Variants in TDRP observed in about 807,000 individuals in gnomAD.
TDRP encodes testis development-related protein.
In TDRP, 12 loss-of-function variants were observed where a neutral mutation model predicts 10.5. The ratio of observed to expected loss-of-function variants is 1.15; its 90% CI spans 0.73 to 1.86. TDRP has a LOEUF of 1.86. Among genes scored for constraint, TDRP ranks in the 40% most tolerant of loss-of-function variants. The pLI is 0.00. For synonymous variants in TDRP, 139 were observed against 95.4 expected (o/e 1.46, Z -2.67); for missense variants, 353 against 229.2 (o/e 1.54, Z -3.49).
intron 1 of TDRP, among the ~76,000 whole-genome samples, chr8:511,079 G>C (rs1801604129): frequency 6.6e-6 from 1 of 152,018 alleles, no homozygotes; most frequent in African/African-American, 2.4e-5. Flanking sequence ...ACAAAATGAA[G>C]GCATGAGACA....
chr8:536,020 A>G (rs7837485), intron 1 of TDRP, among the ~76,000 whole-genome samples: 1 of 152,194 alleles, frequency 6.6e-6, no homozygotes, highest in Non-Finnish European at 1.5e-5. Flanking sequence ...ATGCCACCTT[A>G]AGCCCTAGCA....
chr8:508,620 C>T (rs755205900), intron 1 of TDRP, among the ~76,000 whole-genome samples: 4 of 152,154 alleles, frequency 2.6e-5, no homozygotes, highest in Non-Finnish European at 5.9e-5. Context: ...CCAGGTCCTG[C>T]CCTTGATACA....
At chr8:510,266 C>T (rs985971425) in intron 1 of TDRP, among the ~76,000 whole-genome samples, 1 of 152,176 alleles carries the variant, frequency 6.6e-6, no homozygotes, top group Admixed American at 6.5e-5. Context: ...AAAATCCCAA[C>T]CCTCTAATTG....
intron 1 of TDRP, among the ~76,000 whole-genome samples, chr8:505,514 A>G (rs549036846): frequency 7.2e-5 from 11 of 152,364 alleles, no homozygotes; most frequent in African/African-American, 2.2e-4. Context: ...CTGCAGGTGC[A>G]GGAAGGTTGC....
intron 1 of TDRP, among the ~76,000 whole-genome samples, chr8:495,410 G>A (rs1159149977): frequency 6.6e-6 from 1 of 152,208 alleles, no homozygotes; most frequent in African/African-American, 2.4e-5. Context: ...ACTTCTACAA[G>A]TGTAGATTTC....
At position 491,666 on chromosome 8, in the gene TDRP, T is replaced by C. The variant is rs937734209; in HGVS notation, c.*733A>G. On this transcript the variant is annotated 3_prime_UTR_variant, in exon 3 of 3. Transcript: ENST00000324079. Reference sequence around the variant, plus strand: ...CTGACTAAAATTGATCCATACTTCTTTAATCTGTAAACAAAAAAGAGAGCA... The same window carrying C: ...CTGACTAAAATTGATCCATACTTCTCTAATCTGTAAACAAAAAAGAGAGCA... 6.6e-7 allele frequency: 1 copy of C among 1,519,930 alleles called. No individual in the cohort carries two copies. Among genetic ancestry groups the C allele is most frequent in the African/African-American group, 1.4e-5 (1 of 72,244 alleles). The allele number at this position is 1,519,930 out of a possible 1,614,324, so 94.2% of individuals were successfully genotyped here.
At chr8:541,329 C>T (rs1017556698) in intron 1 of TDRP, among the ~76,000 whole-genome samples, 2 of 152,258 alleles carry the variant, frequency 1.3e-5, no homozygotes, top group Non-Finnish European at 2.9e-5. Context: ...ACAACTAGCA[C>T]ATAACTGGGA....
At chr8:512,873 G>A (rs2116790411) in intron 1 of TDRP, among the ~76,000 whole-genome samples, 1 of 152,160 alleles carries the variant, frequency 6.6e-6, no homozygotes, top group East Asian at 1.9e-4. Flanking sequence ...TCAGGAGGCT[G>A]AGGTGGGAGA....
intron 1 of TDRP, among the ~76,000 whole-genome samples, chr8:495,677 G>T (rs894056871): frequency 6.6e-6 from 1 of 152,166 alleles, no homozygotes; most frequent in East Asian, 1.9e-4. Flanking sequence ...AATACTTTGC[G>T]TTGTTAAAAA....
At chr8:512,642 C>T (rs372322933) in intron 1 of TDRP, among the ~76,000 whole-genome samples, 1 of 150,340 alleles carries the variant, frequency 6.7e-6, no homozygotes, top group Non-Finnish European at 1.5e-5. Context: ...ACTACCAAAA[C>T]TGACTCAAGA....
intron 1 of TDRP, among the ~76,000 whole-genome samples, chr8:524,779 G>T (rs996108530): frequency 1.3e-5 from 2 of 152,150 alleles, no homozygotes; most frequent in East Asian, 1.9e-4. Context: ...TGAGACAAAA[G>T]AATAAAAAAC....
intron 1 of TDRP, among the ~76,000 whole-genome samples, chr8:510,089 T>C (rs1801573044): frequency 6.6e-6 from 1 of 152,306 alleles, no homozygotes; most frequent in South Asian, 2.1e-4. Flanking sequence ...GGGTGTGTCA[T>C]TCACCCAGCC....
intron 1 of TDRP, among the ~76,000 whole-genome samples, chr8:497,197 T>C (rs1801160048): frequency 1.3e-5 from 2 of 152,182 alleles, no homozygotes; most frequent in African/African-American, 2.4e-5. Context: ...CTGGAAGATG[T>C]GGGAATGTTT....
chr8:507,739 G>C (rs1208883801), intron 1 of TDRP, among the ~76,000 whole-genome samples: 1 of 152,170 alleles, frequency 6.6e-6, no homozygotes, highest in African/African-American at 2.4e-5. Context: ...GCAACAATGG[G>C]AAAGGGGGAA....
At chr8:526,823 GT>G (rs1201845298) in intron 1 of TDRP, among the ~76,000 whole-genome samples, 4 of 152,142 alleles carry the variant, frequency 2.6e-5, no homozygotes, top group Admixed American at 2.6e-4. Context: ...TTTTACCACT[GT>G]TATTCAACGT....
At chr8:540,796 C>G (rs1261328041) in intron 1 of TDRP, among the ~76,000 whole-genome samples, 1 of 122,376 alleles carries the variant, frequency 8.2e-6, no homozygotes, top group Non-Finnish European at 1.6e-5. Context: ...ATATTATCTA[C>G]TTTTTCACGT....
At chr8:509,208 A>T (rs2116771265) in intron 1 of TDRP, among the ~76,000 whole-genome samples, 2 of 152,196 alleles carry the variant, frequency 1.3e-5, no homozygotes, top group Middle Eastern at 6.8e-3. Context: ...CTGTCGGTGG[A>T]TCTACCATTC....
At chr8:495,607 G>C (rs559137856) in intron 1 of TDRP, among the ~76,000 whole-genome samples, 2 of 152,262 alleles carry the variant, frequency 1.3e-5, no homozygotes, top group South Asian at 4.2e-4. Flanking sequence ...CATTTCCCAG[G>C]GTTCATCATC....
At chr8:539,376 A>G (rs1327144943) in intron 1 of TDRP, among the ~76,000 whole-genome samples, 1 of 152,168 alleles carries the variant, frequency 6.6e-6, no homozygotes, top group Non-Finnish European at 1.5e-5. Flanking sequence ...CCTGATTTAA[A>G]ACTTCCAGCC....
Sources: gnomAD v4.1 joint callset for allele counts (sites outside exome capture counted in the v4.1 genomes callset) on GRCh38, gnomAD v4.1.1 for gene constraint, MANE v1.5 for transcripts, NCBI Gene and HGNC (gene_info 2026-07-23, HGNC 2026-07-21) for gene names.